NCOR2: variants seen among roughly 807,000 people sequenced by gnomAD.
NCOR2 encodes the protein CTG repeat protein 26.
Under a neutral mutation model 262.9 loss-of-function variants are expected in NCOR2, and 81 were observed. That is an observed-to-expected ratio of 0.31 (90% confidence interval 0.26 to 0.37). NCOR2 has a LOEUF of 0.37. NCOR2 is among the 10% of genes least tolerant of loss of function. The pLI, the probability that NCOR2 is intolerant of heterozygous loss-of-function variation, is 1.00. For synonymous variants in NCOR2, 1,659 were observed against 1,559.3 expected, an observed-to-expected ratio of 1.06 and a Z score of -1.51; for missense variants, 3,385 against 3,621.4, an observed-to-expected ratio of 0.93 and a Z score of 1.68.
chr12:124,402,053 C>T (rs1214416159), intron 14 of NCOR2, among the ~76,000 whole-genome samples: 3 of 152,194 alleles, frequency 2.0e-5, no homozygotes, highest in Non-Finnish European at 4.4e-5. Context: ...TTCCTGGCGC[C>T]TCAGGAGGAA....
At chr12:124,423,570 C>T (rs1478325545) in intron 11 of NCOR2, among the ~76,000 whole-genome samples, 1 of 152,234 alleles carries the variant, frequency 6.6e-6, no homozygotes, top group African/African-American at 2.4e-5. Context: ...CCACCTCGGG[C>T]GGCTGGCAAG....
At chr12:124,333,891 T>TGTGCGCACGCATGTGTGTGG (rs1566353577) in intron 41 of NCOR2, among the ~76,000 whole-genome samples, 7 of 143,754 alleles carry the variant, frequency 4.9e-5, no homozygotes, top group Non-Finnish European at 3.0e-5. Context: ...TGTGCATGTG[T>TGTGCGCACGCATGTGTGTGG]GTGTGCGCGC....
intron 1 of NCOR2, among the ~76,000 whole-genome samples, chr12:124,559,884 G>A (rs922174998): frequency 1.3e-5 from 2 of 152,220 alleles, no homozygotes; most frequent in Non-Finnish European, 2.9e-5. Context: ...CCACAGAGTA[G>A]GTGCTACAGC....
intron 7 of NCOR2, among the ~76,000 whole-genome samples, chr12:124,439,049 TGAGACAGAGG>T (rs1383723320): frequency 3.5e-5 from 1 of 28,564 alleles, no homozygotes; most frequent in Non-Finnish European, 7.0e-5. Flanking sequence ...ATGGAGACCC[TGAGACAGAGG>T]GAGACAGAGA....
chr12:124,544,956 C>G (rs1305744987), intron 1 of NCOR2, among the ~76,000 whole-genome samples: 6 of 152,180 alleles, frequency 3.9e-5, no homozygotes, highest in African/African-American at 1.4e-4. Context: ...AGCCCTAGTG[C>G]TGTCATTTTT....
At chr12:124,379,827 G>A (rs1218454330) in intron 17 of NCOR2, among the ~76,000 whole-genome samples, 1 of 152,230 alleles carries the variant, frequency 6.6e-6, no homozygotes, top group African/African-American at 2.4e-5. Context: ...GGAAGAAAAG[G>A]GAAACACGGA....
At chr12:124,535,931 C>T (rs1236484745), upstream of NCOR2, among the ~76,000 whole-genome samples, 2 of 152,084 alleles carry the variant, frequency 1.3e-5, no homozygotes, top group African/African-American at 2.4e-5. Flanking sequence ...CCCCGGGCCA[C>T]ACGGCTAGGC....
chr12:124,539,992 A>G (rs2051239923), upstream of NCOR2, among the ~76,000 whole-genome samples: 1 of 152,110 alleles, frequency 6.6e-6, no homozygotes, highest in Non-Finnish European at 1.5e-5. The surrounding 1 kb of genome is among the most constrained non-coding windows in gnomAD (Gnocchi z 5.1). Context: ...TGCCTCGACC[A>G]GGACACCATC....
At chr12:124,506,363 G>C (rs1401445551) in intron 1 of NCOR2, among the ~76,000 whole-genome samples, 2 of 152,048 alleles carry the variant, frequency 1.3e-5, no homozygotes, top group African/African-American at 4.8e-5. Context: ...GAGCCTCCGA[G>C]GAGGCCCGTT....
intron 20 of NCOR2, among the ~76,000 whole-genome samples, chr12:124,364,047 C>T (rs1401021147): frequency 6.6e-6 from 1 of 152,216 alleles, no homozygotes; most frequent in Non-Finnish European, 1.5e-5. Context: ...ACTCACTCCC[C>T]TGGTTCTTGC....
intron 13 of NCOR2, among the ~76,000 whole-genome samples, chr12:124,402,975 T>A (rs2042063573): frequency 6.6e-6 from 1 of 152,144 alleles, no homozygotes; most frequent in African/African-American, 2.4e-5. Flanking sequence ...GAGAGAATCC[T>A]CACCATGCTT....
chr12:124,438,754 GA>G (rs2044547296), intron 7 of NCOR2, among the ~76,000 whole-genome samples: 1 of 147,146 alleles, frequency 6.8e-6, no homozygotes, highest in Non-Finnish European at 1.5e-5. Context: ...CAGAGAGAGA[GA>G]GAGAGACAGA....
intron 32 of NCOR2, among the ~76,000 whole-genome samples, chr12:124,343,846 T>C (rs551952942): frequency 2.6e-4 from 40 of 152,294 alleles, no homozygotes; most frequent in African/African-American, 9.6e-4. Flanking sequence ...CAGGCTGGTC[T>C]TGAACTCCTG....
chr12:124,527,261 G>T (rs1393954787), intron 1 of NCOR2, among the ~76,000 whole-genome samples: 2 of 152,206 alleles, frequency 1.3e-5, no homozygotes, highest in African/African-American at 4.8e-5. Flanking sequence ...AGATGGGAAG[G>T]ACGCAGACGG....
chr12:124,355,180 G>A (rs190230426), intron 24 of NCOR2: 13 of 614,384 alleles, frequency 2.1e-5, no homozygotes, highest in Admixed American at 1.2e-4. Context: ...GAAACAGGAG[G>A]TTAAGTAACT....
intron 1 of NCOR2, among the ~76,000 whole-genome samples, chr12:124,557,882 C>T (rs2051934337): frequency 6.6e-6 from 1 of 152,150 alleles, no homozygotes; most frequent in Non-Finnish European, 1.5e-5. Flanking sequence ...CCCCAGGACC[C>T]AGGAAAGGCC....
chr12:124,498,327 C>A (rs563757716), upstream of NCOR2, among the ~76,000 whole-genome samples: 1 of 152,296 alleles, frequency 6.6e-6, no homozygotes, highest in South Asian at 2.1e-4. Flanking sequence ...TCCTAAAGTG[C>A]CCCGCAGCTG....
intron 1 of NCOR2, among the ~76,000 whole-genome samples, chr12:124,524,695 CCTAA>C (rs2050362805): frequency 1.3e-5 from 2 of 152,216 alleles, no homozygotes; most frequent in South Asian, 2.1e-4. Flanking sequence ...ACTCAGGAGC[CCTAA>C]CTAACTGCCC....
At chr12:124,528,711 C>T (rs991660158) in intron 1 of NCOR2, among the ~76,000 whole-genome samples, 11 of 152,252 alleles carry the variant, frequency 7.2e-5, no homozygotes, top group Non-Finnish European at 7.3e-5. Flanking sequence ...GCCACCAATT[C>T]TTGGCATGAC....
Sources: allele counts gnomAD v4.1 joint callset (sites outside exome capture counted in the v4.1 genomes callset), GRCh38; gene constraint gnomAD v4.1.1; non-coding constraint Gnocchi (gnomAD v3.1); transcripts MANE v1.5; gene names NCBI Gene and HGNC (gene_info 2026-07-23, HGNC 2026-07-21).